EFL1: variants seen among roughly 807,000 people sequenced by gnomAD.
EFL1 encodes elongation factor-like GTPase 1.
EFL1 carries 76 observed loss-of-function variants against 126.7 expected under a neutral mutation model. That is an observed-to-expected ratio of 0.60 (90% confidence interval 0.50 to 0.73). EFL1 has a LOEUF of 0.73. EFL1 is among the 30% of genes least tolerant of loss of function. The pLI, the probability that EFL1 is intolerant of heterozygous loss-of-function variation, is 0.00. For synonymous variants in EFL1, 410 were observed against 448.4 expected (o/e 0.91, Z 1.08); for missense variants, 1,128 against 1,343.2 (o/e 0.84, Z 2.50).
rs148486550 is a variant in EFL1 at position 82,186,063 on chromosome 15, G to A, written c.1751-22079C>T. Among the ~76,000 whole-genome samples, 796 of 151,732 alleles carry A rather than the reference G, an allele frequency of 5.2e-3. 11 individuals carry two copies. The highest frequency in any genetic ancestry group is 0.019 in the African/African-American group (768 of 41,366). On this transcript the variant is annotated intron_variant, in intron 15 of 19. Coordinates refer to ENST00000268206, the MANE Select transcript of EFL1 (RefSeq NM_024580.6). ...TTAATTTTTGCTTTTTTCTTTACTAGTATCTTCTTTTTTTTTGTAAGGGGG... is the reference window on the plus strand; with the variant it reads ...TTAATTTTTGCTTTTTTCTTTACTAATATCTTCTTTTTTTTTGTAAGGGGG...
intron 15 of EFL1, among the ~76,000 whole-genome samples, chr15:82,214,439 T>A (rs1253324665): frequency 6.6e-6 from 1 of 152,142 alleles, no homozygotes; most frequent in Non-Finnish European, 1.5e-5. Context: ...GAACAGGAAT[T>A]TCCCCTCTCG....
At chr15:82,147,449 G>A (rs1235977706) in intron 18 of EFL1, among the ~76,000 whole-genome samples, 2 of 151,698 alleles carry the variant, frequency 1.3e-5, no homozygotes, top group East Asian at 3.9e-4. Flanking sequence ...TGCTAAAATA[G>A]CAAAACCCCA....
At chr15:82,193,220 C>G (rs2074377388) in intron 15 of EFL1, among the ~76,000 whole-genome samples, 1 of 152,072 alleles carries the variant, frequency 6.6e-6, no homozygotes, top group African/African-American at 2.4e-5. Flanking sequence ...GAAAATGGAA[C>G]AGTTAACTTA....
intron 7 of EFL1, among the ~76,000 whole-genome samples, chr15:82,233,046 T>A (rs2074838379): frequency 6.6e-6 from 1 of 152,184 alleles, no homozygotes; most frequent in African/African-American, 2.4e-5. Context: ...CTCTAAAACC[T>A]CTATCAAAAT....
At chr15:82,224,123 G>A (rs72749586) in intron 12 of EFL1, among the ~76,000 whole-genome samples, 29,164 of 152,046 alleles carry the variant, frequency 0.19, 3,025 homozygotes, top group South Asian at 0.39. Context: ...AAATCTAGTC[G>A]AAACATGGTT....
intron 7 of EFL1, among the ~76,000 whole-genome samples, chr15:82,236,937 T>C (rs1038125551): frequency 1.3e-5 from 2 of 152,158 alleles, no homozygotes; most frequent in African/African-American, 4.8e-5. Flanking sequence ...GTCAGGAGTT[T>C]GAGACCAGCC....
rs777599468 is a variant in EFL1, at chr15:82,227,547, A to T, written c.1095T>A (p.Ser365Arg). ...CTCTCTCAGCTGTAATATCAAGGGG[A>T]CTAGGAAGTTTCTGACACACCATAG... The part of the protein sequence containing the change: ...VLAMVCQKLP[S>R]PLDITAERVE... Residue 365 changes from serine to arginine, a missense_variant, in exon 11 of 20, where the codon AGT becomes AGA. Ser to Arg is a moderately radical substitution (Grantham distance 110). Transcript: ENST00000268206. 5.6e-6 allele frequency: 9 copies of T among 1,614,160 alleles called. No individual in the cohort carries two copies. The highest frequency in any genetic ancestry group is 7.6e-6 in the Non-Finnish European group (9 of 1,180,002).
At chr15:82,140,127 G>A (rs751136327) in intron 18 of EFL1, among the ~76,000 whole-genome samples, 2 of 152,144 alleles carry the variant, frequency 1.3e-5, no homozygotes, top group African/African-American at 4.8e-5. Flanking sequence ...CACTCCATTC[G>A]TAATGAAAGG....
chr15:82,169,416 T>C (rs1447883185), intron 15 of EFL1, among the ~76,000 whole-genome samples: 1 of 151,952 alleles, frequency 6.6e-6, no homozygotes, highest in African/African-American at 2.4e-5. Flanking sequence ...ACAGAGAAAT[T>C]AGAGAGAACT....
At chr15:82,258,282 G>A (rs538471527) in intron 3 of EFL1, among the ~76,000 whole-genome samples, 3 of 152,306 alleles carry the variant, frequency 2.0e-5, no homozygotes, top group African/African-American at 7.2e-5. Flanking sequence ...TTTCAGGCTA[G>A]GTGTGGTGAC....
chr15:82,228,190 C>T lies in EFL1; in HGVS notation c.1069+1G>A. ...TTAAAAACCATTAGAATAAAGGATA[C>T]CAAGAACAGCATGGGATATGGGTAG... On this transcript the variant is annotated splice_donor_variant, in intron 10 of 19. Transcript: ENST00000268206. LOFTEE classifies it high-confidence loss of function. The T allele has an allele frequency of 6.2e-7, 1 of 1,605,424 alleles. No individual in the cohort carries two copies. Among genetic ancestry groups the T allele is most frequent in the African/African-American group, 1.3e-5 (1 of 74,464 alleles).
intron 15 of EFL1, among the ~76,000 whole-genome samples, chr15:82,214,499 T>C (rs1286065513): frequency 1.3e-5 from 2 of 152,154 alleles, no homozygotes; most frequent in African/African-American, 4.8e-5. Context: ...TACTAATTAC[T>C]TAAGCAATAC....
intron 6 of EFL1, among the ~76,000 whole-genome samples, 200 bp from the exon 7 acceptor site, chr15:82,238,721 A>G (rs2074900081): frequency 6.6e-6 from 1 of 152,192 alleles, no homozygotes; most frequent in African/African-American, 2.4e-5. Context: ...TAACTAAATT[A>G]TAAGGTTTTT....
At chr15:82,211,581 CT>C (rs1170522022) in intron 15 of EFL1, among the ~76,000 whole-genome samples, 1,135 of 73,050 alleles carry the variant, frequency 0.016, 48 homozygotes, top group African/African-American at 0.073. Flanking sequence ...CACACACACA[CT>C]AGACACATAC....
chr15:82,191,806 T>A (rs1437718576), intron 15 of EFL1, among the ~76,000 whole-genome samples: 1 of 152,160 alleles, frequency 6.6e-6, no homozygotes, highest in East Asian at 1.9e-4. Flanking sequence ...AAGTAACTTT[T>A]CAAGAGGTGT....
chr15:82,261,247 G>A (rs1001700372), intron 2 of EFL1, among the ~76,000 whole-genome samples: 2 of 151,958 alleles, frequency 1.3e-5, no homozygotes. Flanking sequence ...TCTGCTCCCC[G>A]TTAAAACCTC....
At chr15:82,189,008 A>T (rs8042665) in intron 15 of EFL1, among the ~76,000 whole-genome samples, 67,507 of 151,154 alleles carry the variant, frequency 0.45, 17,839 homozygotes, top group African/African-American at 0.74. Flanking sequence ...GAGAAATGCA[A>T]CCTTAAGCAA....
intron 11 of EFL1, among the ~76,000 whole-genome samples, chr15:82,227,196 CACG>C (rs1458727471): frequency 1.2e-4 from 19 of 152,198 alleles, no homozygotes; most frequent in African/African-American, 4.6e-4. Context: ...CTTCTTTTCT[CACG>C]AGGAGCATGT....
intron 7 of EFL1, 82 bp from the exon 8 acceptor site, chr15:82,231,053 C>T (rs563156683): frequency 8.1e-5 from 120 of 1,479,422 alleles, no homozygotes; most frequent in South Asian, 1.2e-4. Flanking sequence ...CTTCTTTACA[C>T]GTGTATTACT....
Sources: gnomAD v4.1 joint callset for allele counts (sites outside exome capture counted in the v4.1 genomes callset) on GRCh38, gnomAD v4.1.1 for gene constraint, MANE v1.5 for transcripts, NCBI Gene and HGNC (gene_info 2026-07-23, HGNC 2026-07-21) for gene names.